The following EPB41L5 variants were observed in gnomAD, a reference collection of about 807,000 sequenced individuals.
EPB41L5 encodes the protein band 4.1-like protein 5.
In EPB41L5, 55 loss-of-function variants were observed where a neutral mutation model predicts 106.6. The ratio of observed to expected loss-of-function variants is 0.52; its 90% CI spans 0.42 to 0.65. The LOEUF is 0.65. Among genes scored for constraint, EPB41L5 ranks in the 30% least tolerant of loss-of-function variants. EPB41L5 has a pLI of 0.00. For synonymous variants in EPB41L5, 297 were observed against 306.7 expected (o/e 0.97, Z 0.33); for missense variants, 871 against 882.1 (o/e 0.99, Z 0.16).
At chr2:120,041,097 TTAA>T (rs1679374509) in intron 2 of EPB41L5, among the ~76,000 whole-genome samples, 1 of 152,170 alleles carries the variant, frequency 6.6e-6, no homozygotes, top group Admixed American at 6.5e-5. Flanking sequence ...TAATTGTCTA[TTAA>T]TATAGCAACA....
At chr2:120,019,431 A>G (rs1677777338) in intron 2 of EPB41L5, among the ~76,000 whole-genome samples, 167 bp downstream of exon 2, 1 of 152,212 alleles carries the variant, frequency 6.6e-6, no homozygotes, top group Non-Finnish European at 1.5e-5. Flanking sequence ...ATAACCGTAG[A>G]CCAAAAGTAC....
rs553471925 is a variant in EPB41L5 at position 120,160,936 on chromosome 2, A to T, written c.1849A>T (p.Met617Leu). 248 of 1,614,072 alleles carry T rather than the reference A, an allele frequency of 1.5e-4. 4 individuals carry two copies. In the South Asian group the frequency reaches 2.7e-3, roughly 18 times the overall value. ...CCCCAAAGAGTCTCTTGAGACTCTG[A>T]TGCTTATCACACCTGCCGACAGTGG... The part of the protein sequence containing the change: ...PLPKESLETL[M>L]LITPADSGSV... The change falls in exon 21 of 25, where the codon ATG becomes TTG. Residue 617 changes from methionine (M) to leucine (L), a missense_variant. Transcript: ENST00000263713.
intron 16 of EPB41L5, among the ~76,000 whole-genome samples, chr2:120,102,270 A>G (rs928880115): frequency 5.3e-5 from 8 of 152,160 alleles, no homozygotes; most frequent in Admixed American, 4.6e-4. Context: ...GGTTTCTTTG[A>G]TGCATCCTTT....
chr2:120,081,462 G>A (rs1279796209), intron 10 of EPB41L5, among the ~76,000 whole-genome samples: 7 of 152,082 alleles, frequency 4.6e-5, no homozygotes, highest in African/African-American at 1.4e-4. Flanking sequence ...TGTTCCATTG[G>A]TCTATATCTC....
intron 3 of EPB41L5, among the ~76,000 whole-genome samples, chr2:120,045,817 C>A (rs182021351): frequency 6.6e-6 from 1 of 151,324 alleles, no homozygotes; most frequent in Non-Finnish European, 1.5e-5. Flanking sequence ...CCTCCCCCGT[C>A]CCCCCCTCAA....
chr2:120,034,093 G>C (rs1678892941), intron 2 of EPB41L5, among the ~76,000 whole-genome samples: 2 of 152,142 alleles, frequency 1.3e-5, no homozygotes, highest in Admixed American at 1.3e-4. Flanking sequence ...TGTCCTGTCT[G>C]AAAAAATAAA....
intron 6 of EPB41L5, 66 bp from the exon 7 acceptor site, chr2:120,075,630 ATTATT>A: frequency 7.0e-7 from 1 of 1,437,408 alleles, no homozygotes; most frequent in East Asian, 2.3e-5. Flanking sequence ...TAAAACATGT[ATTATT>A]TTCATTTGTC....
In EPB41L5 at chr2:120,175,602, A is replaced by T. The variant is rs958183262; in HGVS notation, c.*695A>T. 5 of 152,052 alleles carry T rather than the reference A, an allele frequency of 3.3e-5. No individual in the cohort carries two copies. The highest frequency in any genetic ancestry group is 9.7e-5 in the African/African-American group (4 of 41,386). The allele number at this position is 152,052 out of a possible 1,614,324, so 9.4% of individuals were successfully genotyped here. ...AATAAAATCCTGTCATATTTTTTTC[A>T]CCCTGCCTTTCCACAGGAAGCACTC... On this transcript the variant is annotated 3_prime_UTR_variant, in exon 25 of 25. Transcript: ENST00000263713.
chr2:120,160,393 A>C (rs1687089679), intron 20 of EPB41L5, among the ~76,000 whole-genome samples: 1 of 152,200 alleles, frequency 6.6e-6, no homozygotes, highest in East Asian at 1.9e-4. Context: ...ACATGTGACA[A>C]TACGTTAAGC....
intron 21 of EPB41L5, among the ~76,000 whole-genome samples, chr2:120,161,263 A>G (rs377052328): frequency 6.6e-6 from 1 of 152,096 alleles, no homozygotes; most frequent in Non-Finnish European, 1.5e-5. Flanking sequence ...CTATGGTCCC[A>G]GCTTCTCAGG....
intron 3 of EPB41L5, among the ~76,000 whole-genome samples, chr2:120,057,460 G>A (rs1264587042): frequency 6.6e-6 from 1 of 152,120 alleles, no homozygotes; most frequent in African/African-American, 2.4e-5. Context: ...ATAACGTTTT[G>A]TCTGTACATA....
In EPB41L5 at chr2:120,143,098, C is replaced by T. The variant is rs759140898; in HGVS notation, c.1695C>T (p.Asn565=). 6.2e-7 allele frequency: 1 copy of T among 1,606,992 alleles called. No homozygotes were observed. Among genetic ancestry groups the T allele is most frequent in the South Asian group, 1.1e-5 (1 of 89,882 alleles). ...VMRVPPDFKS[N]ILKAQVEAVH... is the part of the protein sequence containing the mutation. ...GAGTTCCTCCTGACTTCAAGAGTAA[C>T]ATTTTGAAGGCTCAAGTAGAAGCAG... The change falls in exon 19 of 25, where the codon AAC becomes AAT. Residue 565 remains asparagine, a synonymous_variant. Coordinates refer to ENST00000263713, the MANE Select transcript of EPB41L5 (RefSeq NM_020909.4).
intron 16 of EPB41L5, among the ~76,000 whole-genome samples, chr2:120,124,205 G>A (rs1392201847): frequency 1.3e-5 from 2 of 152,020 alleles, no homozygotes; most frequent in African/African-American, 4.8e-5. Context: ...TTCCGAAACC[G>A]TTCTTCACTC....
At chr2:120,071,485 A>G (rs1681863411) in intron 3 of EPB41L5, among the ~76,000 whole-genome samples, 1 of 152,228 alleles carries the variant, frequency 6.6e-6, no homozygotes. Flanking sequence ...TTCCTAAGCA[A>G]AAAGAACGAA....
chr2:120,066,603 T>G (rs1681458664), intron 3 of EPB41L5, among the ~76,000 whole-genome samples: 1 of 152,202 alleles, frequency 6.6e-6, no homozygotes, highest in Non-Finnish European at 1.5e-5. Context: ...GATTTCTAGG[T>G]GTAGAATTGC....
chr2:120,112,254 C>T (rs868309152), intron 16 of EPB41L5, among the ~76,000 whole-genome samples: 4 of 152,124 alleles, frequency 2.6e-5, no homozygotes, highest in Non-Finnish European at 5.9e-5. Flanking sequence ...TTTTGACTTA[C>T]GATGGGTTTC....
chr2:120,131,651 T>C lies in EPB41L5; in HGVS notation c.1535T>C (p.Leu512Pro). 6.2e-7 allele frequency: 1 copy of C among 1,613,826 alleles called. No homozygotes were observed. Among genetic ancestry groups the C allele is most frequent in the Non-Finnish European group, 8.5e-7 (1 of 1,179,842 alleles). ...GACACCTCAGAGAAGCTCAAACAGC[T>C]TGAGATGGAGAACAGTCCTTTGCTG... Reference protein sequence around the residue: ...LKDTSEKLKQLEMENSPLLSP... With the variant: ...LKDTSEKLKQPEMENSPLLSP... Residue 512 changes from leucine (L) to proline (P), a missense_variant, in exon 18 of 25, where the codon CTT becomes CCT. Coordinates refer to ENST00000263713, the MANE Select transcript of EPB41L5 (RefSeq NM_020909.4).
Position 120,146,287 on chromosome 2 carries a change from C to G in EPB41L5, c.1791C>G (p.Asn597Lys). The change falls in exon 20 of 25, where the codon AAC becomes AAG. Residue 597 changes from asparagine to lysine, a missense_variant and splice_region_variant. Transcript: ENST00000263713. ...CCAATGTTCAGGATGCTGCCACAAACAGGTACAGTTCTGGGTAGACTGAAT... is the reference window on the plus strand; with the variant it reads ...CCAATGTTCAGGATGCTGCCACAAAGAGGTACAGTTCTGGGTAGACTGAAT... ...KNANVQDAAT[N>K]SAVLNENNVP... is the part of the protein sequence containing the mutation. The G allele has an allele frequency of 6.2e-7, 1 of 1,606,710 alleles. No homozygotes were observed. The highest frequency in any genetic ancestry group is 1.1e-5 in the South Asian group (1 of 90,896).
At position 120,044,780 on chromosome 2, in the gene EPB41L5, T is replaced by C. The variant is rs533203290; in HGVS notation, c.285+2670T>C. Among the ~76,000 whole-genome samples the C allele has an allele frequency of 2.0e-5, 3 of 152,364 alleles. No homozygotes were observed. The East Asian group carries it at 5.8e-4, about 29-fold the overall frequency. On this transcript the variant is annotated intron_variant, in intron 3 of 24. Coordinates refer to ENST00000263713, the MANE Select transcript of EPB41L5 (RefSeq NM_020909.4). ...ATTAGAATATTTAATCCCTACTCTT[T>C]AGTTCTAGTTTATTCCTTCCAGTAA... is the stretch of plus-strand genomic sequence containing the variant.
Sources: allele counts gnomAD v4.1 joint callset (sites outside exome capture counted in the v4.1 genomes callset), GRCh38; gene constraint gnomAD v4.1.1; transcripts MANE v1.5; gene names NCBI Gene and HGNC (gene_info 2026-07-23, HGNC 2026-07-21).